Variants in IKBKE observed in about 807,000 individuals in gnomAD.
IKBKE encodes inhibitor of nuclear factor kappa-B kinase subunit epsilon.
In IKBKE, 45 loss-of-function variants were observed where a neutral mutation model predicts 92.1. That is an observed-to-expected ratio of 0.49 (90% CI 0.38 to 0.63). The LOEUF (loss-of-function observed/expected upper bound fraction) is 0.63, where lower values mean the gene tolerates loss of function less well. Ranked by LOEUF, IKBKE falls within the 20% of genes least tolerant of loss-of-function variation. The probability of loss-of-function intolerance (pLI) is 0.00; values close to 1 mark genes in which losing one functional copy is unlikely to be tolerated. For missense variants in IKBKE, 700 were observed against 932.8 expected, an observed-to-expected ratio of 0.75 and a Z score of 3.25; for synonymous variants, 374 against 380.3, an observed-to-expected ratio of 0.98 and a Z score of 0.19.
rs1553385185 is a variant in IKBKE, at chr1:206,476,080, T to C, written c.359-101T>C. 6.2e-6 allele frequency: 7 copies of C among 1,137,338 alleles called. No homozygotes were observed. The highest frequency in any genetic ancestry group is 5.0e-5 in the East Asian group (2 of 39,716). The allele number at this position is 1,137,338 out of a possible 1,614,324, so 70.5% of individuals were successfully genotyped here. A position where few individuals can be genotyped will look rare whatever the true frequency, so the allele number is the denominator to read the frequency against. ...GGCTCTGTCAGCCCATGGGAACTCC[T>C]GTCTCTCTGGATGCAAGGACAGCCT... is the stretch of plus-strand genomic sequence containing the variant. On this transcript the variant is annotated intron_variant, in intron 5 of 21. Transcript: ENST00000581977. This position sits in a 1 kb window ranked among gnomAD's most constrained non-coding sequence, Gnocchi z 5.1.
intron 13 of IKBKE, among the ~76,000 whole-genome samples, chr1:206,482,557 G>A (rs1665462825): frequency 6.6e-6 from 1 of 152,178 alleles, no homozygotes; most frequent in Admixed American, 6.5e-5. Context: ...TAGAGAGCTG[G>A]GGTCAGGCAA....
At position 206,480,034 on chromosome 1, in the gene IKBKE, G is replaced by T. The variant is rs376382831; in HGVS notation, c.1261G>T (p.Ala421Ser). 18 of 1,608,390 alleles carry T rather than the reference G, an allele frequency of 1.1e-5. No individual in the cohort carries two copies. In the South Asian group the frequency reaches 1.7e-4, roughly 15 times the overall value. ...DYNTAKGVLGAGYQALRLARA... is the reference protein window; with the variant it reads ...DYNTAKGVLGSGYQALRLARA... ...CTCTGTGTTTCAGGGCGTGTTGGGC[G>T]CCGGCTACCAGGCCCTGCGGCTGGC... is the stretch of plus-strand genomic sequence containing the variant. The change falls in exon 12 of 22, where the codon GCC (alanine) becomes TCC (serine). Residue 421 changes from alanine to serine, a missense_variant. Transcript: ENST00000581977.
rs986883757 is a variant in IKBKE at position 206,485,874 on chromosome 1, C to G, written c.1616+568C>G. Among the ~76,000 whole-genome samples, 1 of 152,174 alleles carries G rather than the reference C, an allele frequency of 6.6e-6. No homozygotes were observed. Among genetic ancestry groups the G allele is most frequent in the Non-Finnish European group, 1.5e-5 (1 of 68,038 alleles). On this transcript the variant is annotated intron_variant, in intron 15 of 21. Coordinates refer to ENST00000581977, the MANE Select transcript of IKBKE (RefSeq NM_014002.4). The surrounding 1 kb of genome is among the most constrained non-coding windows in gnomAD (Gnocchi z 5.0). ...CCTTTTAACAGACATAAAAATACCC[C>G]CCTCCCCCAGGCCCCAGCTGACTGT...
intron 16 of IKBKE, among the ~76,000 whole-genome samples, chr1:206,489,252 CATATATATATTATTCAT>C (rs1665810678): frequency 6.8e-6 from 1 of 147,094 alleles, no homozygotes; most frequent in African/African-American, 2.5e-5. Context: ...ATATTATTCA[CATATATATATTATTCAT>C]ATATATATTA....
chr1:206,478,811 A>G lies in IKBKE; in HGVS notation c.993-132A>G. ...TCCACCCTTGATGACAGAGAAAACC[A>G]CCCCCGTCCCTCCCTCTGCAAAACA... On this transcript the variant is annotated intron_variant, in intron 9 of 21. Transcript: ENST00000581977. The surrounding 1 kb of genome is among the most constrained non-coding windows in gnomAD (Gnocchi z 4.8). 1.4e-6 allele frequency: 1 copy of G among 732,826 alleles called. No individual in the cohort carries two copies. Among genetic ancestry groups the G allele is most frequent in the Non-Finnish European group, 2.4e-6 (1 of 413,698 alleles). The allele number at this position is 732,826 out of a possible 1,614,324, so 45.4% of individuals were successfully genotyped here. A position where few individuals can be genotyped will look rare whatever the true frequency, so the allele number is the denominator to read the frequency against.
intron 17 of IKBKE, 154 bp downstream of exon 17, chr1:206,491,012 A>G: frequency 1.4e-6 from 1 of 705,314 alleles, no homozygotes; most frequent in Non-Finnish European, 2.5e-6. Context: ...GGGCCAGGGG[A>G]GGGAGTATGC....
intron 16 of IKBKE, among the ~76,000 whole-genome samples, chr1:206,489,611 A>T (rs183322067): frequency 2.6e-5 from 4 of 152,088 alleles, no homozygotes; most frequent in Non-Finnish European, 5.9e-5. Context: ...CTGAGGTGGG[A>T]GGATCACCTG....
At chr1:206,491,584 G>A (rs1665953910) in intron 17 of IKBKE, 64 bp from the exon 18 acceptor site, 1 of 1,139,222 alleles carries the variant, frequency 8.8e-7, no homozygotes, top group Non-Finnish European at 1.3e-6. Flanking sequence ...GAGACTGAGG[G>A]ATGGTGGGCT....
Position 206,478,851 on chromosome 1 carries a change from G to C in IKBKE, c.993-92G>C. The C allele has an allele frequency of 1.0e-6, 1 of 986,822 alleles. No individual in the cohort carries two copies. Among genetic ancestry groups the C allele is most frequent in the Non-Finnish European group, 1.6e-6 (1 of 613,924 alleles). The allele number at this position is 986,822 out of a possible 1,614,324, so 61.1% of individuals were successfully genotyped here. A position where few individuals can be genotyped will look rare whatever the true frequency, so the allele number is the denominator to read the frequency against. On this transcript the variant is annotated intron_variant, in intron 9 of 21. Transcript: ENST00000581977. This position sits in a 1 kb window ranked among gnomAD's most constrained non-coding sequence, Gnocchi z 4.8. ...TCTGCAAAACAGAGCCCTGTCTATGGGCAACGCTTAGCTGGGGCTTAGGTC... is the reference window on the plus strand; with the variant it reads ...TCTGCAAAACAGAGCCCTGTCTATGCGCAACGCTTAGCTGGGGCTTAGGTC...
chr1:206,480,152 G>T, intron 12 of IKBKE, 39 bp downstream of exon 12: 1 of 1,429,224 alleles, frequency 7.0e-7, no homozygotes, highest in African/African-American at 1.5e-5. Context: ...GGGGGAGGCG[G>T]GCAGGAGAGG....
At chr1:206,486,359 T>C (rs1665658851) in intron 15 of IKBKE, among the ~76,000 whole-genome samples, 2 of 151,644 alleles carry the variant, frequency 1.3e-5, no homozygotes, top group South Asian at 4.2e-4. Flanking sequence ...TGAGGCCCTG[T>C]CCTTTTGGAT....
intron 13 of IKBKE, among the ~76,000 whole-genome samples, chr1:206,483,127 G>C (rs1369585785): frequency 1.3e-5 from 2 of 152,226 alleles, no homozygotes; most frequent in Non-Finnish European, 2.9e-5. Context: ...CCCCAGCCCC[G>C]CCACCAGGCA....
chr1:206,492,749 G>A (rs1553390851), intron 18 of IKBKE: 2 of 593,680 alleles, frequency 3.4e-6, no homozygotes, highest in East Asian at 3.7e-5. Context: ...ACCATAGGTG[G>A]CATGCGTCAC....
In IKBKE at chr1:206,479,053, A is replaced by T; in HGVS notation, c.1103A>T (p.Gln368Leu). Residue 368 changes from glutamine (Q) to leucine (L), a missense_variant, in exon 10 of 22, where the codon CAG (glutamine) becomes CTG (leucine). Physicochemically the swap from Gln to Leu is moderately radical, Grantham distance 113. Transcript: ENST00000581977. Reference protein sequence around the residue: ...LCVLEPSVSAQHIAHTTASSP... With the variant: ...LCVLEPSVSALHIAHTTASSP... ...GTCCTCGAGCCCAGCGTCTCAGCAC[A>T]GCACATCGCCCACACGACGGCAAGC... is the stretch of plus-strand genomic sequence containing the variant. 1 of 1,613,996 alleles carries T rather than the reference A, an allele frequency of 6.2e-7. No individual in the cohort carries two copies. Among genetic ancestry groups the T allele is most frequent in the Non-Finnish European group, 8.5e-7 (1 of 1,179,992 alleles).
chr1:206,473,290 C>T lies in IKBKE; in HGVS notation c.63C>T (p.Ala21=). 6.2e-7 allele frequency: 1 copy of T among 1,612,868 alleles called. No individual in the cohort carries two copies. The highest frequency in any genetic ancestry group is 8.5e-7 in the Non-Finnish European group (1 of 1,179,504). ...TDDLLGQGAT[A]SVYKARNKKS... is the part of the protein sequence containing the mutation. The stretch of plus-strand genomic sequence containing the variant: ...ACCTGCTGGGGCAGGGGGCCACTGC[C>T]AGTGTGTACAAGGCCCGCAACAAGG... Residue 21 remains alanine, a synonymous_variant, in exon 3 of 22, where the codon GCC becomes GCT. Coordinates refer to ENST00000581977, the MANE Select transcript of IKBKE (RefSeq NM_014002.4).
chr1:206,487,818 C>A lies in IKBKE; in HGVS notation c.1617-96C>A. On this transcript the variant is annotated intron_variant, in intron 15 of 21. Transcript: ENST00000581977. The surrounding 1 kb of genome is among the most constrained non-coding windows in gnomAD (Gnocchi z 5.3). ...ATCCCCCAAAACTGTGGCTGTGAGG[C>A]TCCTCCCCTATTCCACTGCCACCCT... 5 of 934,354 alleles carry A rather than the reference C, an allele frequency of 5.4e-6. No homozygotes were observed. Among genetic ancestry groups the A allele is most frequent in the Non-Finnish European group, 8.4e-6 (5 of 595,186 alleles). 57.9% of individuals were successfully genotyped at this position (934,354 alleles called of 1,614,324 possible).
At chr1:206,473,726 G>A (rs1017852639) in intron 3 of IKBKE, among the ~76,000 whole-genome samples, 5 of 152,096 alleles carry the variant, frequency 3.3e-5, no homozygotes, top group Non-Finnish European at 5.9e-5. Flanking sequence ...CACTTTGGGA[G>A]GCCGAGGTGG....
rs925527077 is a variant in IKBKE at position 206,496,259 on chromosome 1, C to T, written c.*114C>T. The T allele has an allele frequency of 9.4e-6, 8 of 854,298 alleles. No homozygotes were observed. In the African/African-American group the frequency reaches 1.2e-4, roughly 12 times the overall value. The allele number at this position is 854,298 out of a possible 1,614,324, so 52.9% of individuals were successfully genotyped here. A position where few individuals can be genotyped will look rare whatever the true frequency, so the allele number is the denominator to read the frequency against. Reference sequence around the variant, plus strand: ...CCATCCCATCACATCAGCCTACCTCCCTCCTGGCTGCTGGCCAGGATGTCG... The same window carrying T: ...CCATCCCATCACATCAGCCTACCTCTCTCCTGGCTGCTGGCCAGGATGTCG... On this transcript the variant is annotated 3_prime_UTR_variant, in exon 22 of 22. Transcript: ENST00000581977.
Position 206,478,049 on chromosome 1 carries a change from C to CAAA in IKBKE, c.813-110_813-109insAAA. ...TCCTCCCCAACCCACCCTGCCCCAC[C>CAAA]ATCTTGGTCCTAGCTCTTCAGGATA... is the stretch of plus-strand genomic sequence containing the variant. On this transcript the variant is annotated intron_variant, in intron 8 of 21. Coordinates refer to ENST00000581977, the MANE Select transcript of IKBKE (RefSeq NM_014002.4). The surrounding 1 kb of genome is among the most constrained non-coding windows in gnomAD (Gnocchi z 4.8). The CAAA allele has an allele frequency of 2.2e-6, 2 of 909,158 alleles. No homozygotes were observed. The highest frequency in any genetic ancestry group is 3.4e-6 in the Non-Finnish European group (2 of 591,854). The allele number at this position is 909,158 out of a possible 1,614,324, so 56.3% of individuals were successfully genotyped here.
Sources: allele counts gnomAD v4.1 joint callset (sites outside exome capture counted in the v4.1 genomes callset), GRCh38; gene constraint gnomAD v4.1.1; non-coding constraint Gnocchi (gnomAD v3.1); transcripts MANE v1.5; gene names NCBI Gene and HGNC (gene_info 2026-07-23, HGNC 2026-07-21).